The following FAXDC2 variants were observed in gnomAD, a reference collection of about 807,000 sequenced individuals.
The protein encoded by FAXDC2 is fatty acid hydroxylase domain-containing protein 2.
Under a neutral mutation model 40.9 loss-of-function variants are expected in FAXDC2, and 41 were observed. That is an observed-to-expected ratio of 1.00 (90% CI 0.78 to 1.30). The LOEUF (loss-of-function observed/expected upper bound fraction) is 1.30. Ranked by LOEUF, FAXDC2 falls within the 50% of genes most tolerant of loss-of-function variation. The pLI, the probability that FAXDC2 is intolerant of heterozygous loss-of-function variation, is 0.00. For synonymous variants in FAXDC2, 157 were observed against 149.3 expected, an observed-to-expected ratio of 1.05 and a Z score of -0.38; for missense variants, 390 against 408.8, an observed-to-expected ratio of 0.95 and a Z score of 0.40.
chr5:154,828,823 ACTC>A (rs1168825940), intron 5 of FAXDC2, among the ~76,000 whole-genome samples: 1 of 149,768 alleles, frequency 6.7e-6, no homozygotes, highest in Admixed American at 6.7e-5. Context: ...CTGGTCTTGA[ACTC>A]CTAGCATCAA....
chr5:154,833,514 TTGTG>T (rs372428155), intron 4 of FAXDC2, among the ~76,000 whole-genome samples: 1 of 150,952 alleles, frequency 6.6e-6, no homozygotes, highest in African/African-American at 2.4e-5. Flanking sequence ...CCCAGCTAAT[TTGTG>T]TGTGTGTGTG....
At chr5:154,834,523 A>C (rs1269581046) in intron 4 of FAXDC2, 102 bp downstream of exon 4, 23 of 847,454 alleles carry the variant, frequency 2.7e-5, no homozygotes, top group Non-Finnish European at 3.6e-5. Flanking sequence ...ATCCCTTGGA[A>C]TAATAAACTG....
rs1184756568 is a variant in FAXDC2 at position 154,834,609 on chromosome 5, G to A, written c.244+16C>T. 1 of 1,538,832 alleles carries A rather than the reference G, an allele frequency of 6.5e-7. No individual in the cohort carries two copies. Among genetic ancestry groups the A allele is most frequent in the Non-Finnish European group, 9.0e-7 (1 of 1,111,250 alleles). ...ATGCACCCACATGCTAGGTGCTGGTGGTCTGGGAACCTCACCTATAAAGAA... is the reference window on the plus strand; with the variant it reads ...ATGCACCCACATGCTAGGTGCTGGTAGTCTGGGAACCTCACCTATAAAGAA... On this transcript the variant is annotated intron_variant, in intron 4 of 8. Coordinates refer to ENST00000326080, the MANE Select transcript of FAXDC2 (RefSeq NM_032385.5).
intron 7 of FAXDC2, 188 bp downstream of exon 7, chr5:154,822,284 A>G: frequency 1.7e-6 from 1 of 578,404 alleles, no homozygotes; most frequent in South Asian, 2.3e-5. Context: ...AGTTGTTGGG[A>G]TGATTAAATG....
At chr5:154,831,569 C>T (rs549180971) in intron 4 of FAXDC2, among the ~76,000 whole-genome samples, 37 of 152,240 alleles carry the variant, frequency 2.4e-4, no homozygotes, top group Non-Finnish European at 4.7e-4. Flanking sequence ...CTTGCTTCAG[C>T]CTCCTGAATA....
At chr5:154,823,904 A>T in intron 5 of FAXDC2, 1 of 342,322 alleles carries the variant, frequency 2.9e-6, no homozygotes, top group South Asian at 3.5e-5. Flanking sequence ...GGCCCCATGT[A>T]TTTACAGGTA....
At chr5:154,844,626 TTTTA>T (rs1242298211) in intron 1 of FAXDC2, among the ~76,000 whole-genome samples, 2 of 152,206 alleles carry the variant, frequency 1.3e-5, no homozygotes, top group Non-Finnish European at 2.9e-5. Flanking sequence ...TCTTATCAGT[TTTTA>T]TTTATTTGAA....
Position 154,820,011 on chromosome 5 carries a change from T to A in FAXDC2, c.*305A>T, listed in dbSNP as rs1410659148. The A allele has an allele frequency of 8.3e-6, 2 of 240,336 alleles. No homozygotes were observed. Among genetic ancestry groups the A allele is most frequent in the Non-Finnish European group, 1.8e-5 (2 of 114,224 alleles). The allele number at this position is 240,336 out of a possible 1,614,324, so 14.9% of individuals were successfully genotyped here. On this transcript the variant is annotated 3_prime_UTR_variant, in exon 9 of 9. Transcript: ENST00000326080. ...AGGCCACAAAGGAGTTATCTGGGGC[T>A]GAACCCCTCTCCTTCCACAGCAGAG... is the stretch of plus-strand genomic sequence containing the variant.
intron 1 of FAXDC2, among the ~76,000 whole-genome samples, chr5:154,839,476 T>C (rs1290017301): frequency 6.6e-6 from 1 of 150,414 alleles, no homozygotes; most frequent in African/African-American, 2.5e-5. Context: ...ACACCCTGTC[T>C]CTACAAAAAA....
At chr5:154,823,945 G>A (rs1759953669) in intron 5 of FAXDC2, 2 of 281,316 alleles carry the variant, frequency 7.1e-6, no homozygotes, top group East Asian at 1.6e-4. Context: ...GCTTGGAGAA[G>A]GCTGTGACTT....
At chr5:154,839,251 G>A (rs1401944247) in intron 1 of FAXDC2, among the ~76,000 whole-genome samples, 5 of 151,436 alleles carry the variant, frequency 3.3e-5, no homozygotes, top group Admixed American at 6.6e-5. Flanking sequence ...GCTTGAACCC[G>A]GGAGGCGGAG....
chr5:154,848,502 A>G (rs1339013189), intron 1 of FAXDC2, among the ~76,000 whole-genome samples: 1 of 152,216 alleles, frequency 6.6e-6, no homozygotes. Flanking sequence ...CTCAGACTGT[A>G]TGCTAGGAAA....
At chr5:154,824,876 G>A (rs1759982078) in intron 5 of FAXDC2, among the ~76,000 whole-genome samples, 1 of 151,458 alleles carries the variant, frequency 6.6e-6, no homozygotes, top group Non-Finnish European at 1.5e-5. Context: ...ATCACTTGAG[G>A]CCAGGAATTT....
At chr5:154,839,984 A>G (rs1760440798) in intron 1 of FAXDC2, among the ~76,000 whole-genome samples, 1 of 152,112 alleles carries the variant, frequency 6.6e-6, no homozygotes, top group Non-Finnish European at 1.5e-5. Flanking sequence ...GCTGGAGAGG[A>G]GCACTACAGA....
rs187029940 is a variant in FAXDC2, at chr5:154,835,371, T to C, written c.49-437A>G. ...CCAATCCAATTACATAAAGAGTCCCTGGGGGTGGGACCTGGGCTCCCCAGT... is the reference window on the plus strand; with the variant it reads ...CCAATCCAATTACATAAAGAGTCCCCGGGGGTGGGACCTGGGCTCCCCAGT... On this transcript the variant is annotated intron_variant, in intron 2 of 8. Transcript: ENST00000326080. 4.8e-3 allele frequency: 807 copies of C among 168,996 alleles called. 6 individuals carry two copies. Among genetic ancestry groups the C allele is most frequent in the African/African-American group, 0.018 (757 of 41,706 alleles). The allele number at this position is 168,996 out of a possible 1,614,324, so 10.5% of individuals were successfully genotyped here. A position where few individuals can be genotyped will look rare whatever the true frequency, so the allele number is the denominator to read the frequency against.
chr5:154,845,793 T>C (rs1760585373), intron 1 of FAXDC2, among the ~76,000 whole-genome samples: 1 of 151,196 alleles, frequency 6.6e-6, no homozygotes, highest in Non-Finnish European at 1.5e-5. Flanking sequence ...ACACCTATTT[T>C]TTTTTTTTTT....
chr5:154,824,700 G>A, intron 5 of FAXDC2: 1 of 600,920 alleles, frequency 1.7e-6, no homozygotes, highest in Non-Finnish European at 3.0e-6. Context: ...AGTGTACTGG[G>A]TGTTGAAAAT....
chr5:154,823,322 C>T, intron 6 of FAXDC2, 65 bp downstream of exon 6: 1 of 1,501,248 alleles, frequency 6.7e-7, no homozygotes, highest in Non-Finnish European at 9.2e-7. Flanking sequence ...CCTCAGTTTC[C>T]TTGTTGATCA....
intron 4 of FAXDC2, chr5:154,831,222 A>G (rs1221672462): frequency 4.4e-6 from 1 of 226,104 alleles, no homozygotes; most frequent in Admixed American, 5.0e-5. Context: ...TAAAATAGAA[A>G]TGAATTCAGG....
Sources: allele counts gnomAD v4.1 joint callset (sites outside exome capture counted in the v4.1 genomes callset), GRCh38; gene constraint gnomAD v4.1.1; transcripts MANE v1.5; gene names NCBI Gene and HGNC (gene_info 2026-07-23, HGNC 2026-07-21).